Variants in LRP5 observed in about 807,000 individuals in gnomAD.
LRP5 encodes low-density lipoprotein receptor-related protein 5.
Under a neutral mutation model 154.1 loss-of-function variants are expected in LRP5, and 62 were observed. The observed-to-expected ratio is 0.40, with a 90% CI of 0.33 to 0.50. LRP5 has a LOEUF of 0.50. LRP5 is among the 20% of genes least tolerant of loss of function. The probability of loss-of-function intolerance (pLI) is 0.55; values close to 1 mark genes in which losing one functional copy is unlikely to be tolerated. For missense variants in LRP5, 1,915 were observed against 2,336.7 expected (o/e 0.82, Z 3.72); for synonymous variants, 966 against 1,011.5 (o/e 0.96, Z 0.85).
At chr11:68,299,064 TCCCTATCCC>T in the LRP5 span, among the ~76,000 whole-genome samples, 1 of 152,118 alleles carries the variant, frequency 6.6e-6, no homozygotes, top group Non-Finnish European at 1.5e-5. Flanking sequence ...TACCTGAAAG[TCCCTATCCC>T]CCTCCACACT....
chr11:68,359,108 C>G (rs1591221385), intron 3 of LRP5, among the ~76,000 whole-genome samples: 1 of 152,196 alleles, frequency 6.6e-6, no homozygotes, highest in Non-Finnish European at 1.5e-5. Context: ...ACTTAACAGC[C>G]TGAAACAGCA....
At chr11:68,340,029 T>C (rs903386349) in intron 1 of LRP5, among the ~76,000 whole-genome samples, 1 of 151,918 alleles carries the variant, frequency 6.6e-6, no homozygotes, top group African/African-American at 2.4e-5. Flanking sequence ...TCACCTGAGG[T>C]CAGGAGTTCG....
intron 9 of LRP5, among the ~76,000 whole-genome samples, chr11:68,407,480 C>G (rs2098656396): frequency 6.6e-6 from 1 of 150,562 alleles, no homozygotes; most frequent in Non-Finnish European, 1.5e-5. Context: ...CCTAGGAAAA[C>G]TTTTTGCCTT....
chr11:68,400,728 CA>C (rs2098652193), intron 7 of LRP5, among the ~76,000 whole-genome samples: 1 of 151,320 alleles, frequency 6.6e-6, no homozygotes, highest in Non-Finnish European at 1.5e-5. Context: ...AACTCCGTCT[CA>C]AAAAAAATAA....
intron 5 of LRP5, among the ~76,000 whole-genome samples, chr11:68,375,071 G>A (rs767528188): frequency 6.6e-6 from 1 of 152,238 alleles, no homozygotes; most frequent in East Asian, 1.9e-4. Context: ...CTTCAGTGGC[G>A]AGCTTTGCGC....
intron 5 of LRP5, among the ~76,000 whole-genome samples, chr11:68,385,581 C>T (rs188461019): frequency 4.6e-5 from 7 of 152,206 alleles, no homozygotes; most frequent in Non-Finnish European, 7.4e-5. Flanking sequence ...TTTCTCATCT[C>T]GCACCTGTGT....
Position 68,423,419 on chromosome 11 carries a change from G to GC in LRP5, c.3028-68dup, listed in dbSNP as rs1161525478. 1 of 1,449,882 alleles carries GC rather than the reference G, an allele frequency of 6.9e-7. No homozygotes were observed. The highest frequency in any genetic ancestry group is 9.7e-7 in the Non-Finnish European group (1 of 1,031,954). 89.8% of individuals were successfully genotyped at this position (1,449,882 alleles called of 1,614,324 possible). On this transcript the variant is annotated intron_variant, in intron 13 of 22. Transcript: ENST00000294304. The surrounding 1 kb of genome is among the most constrained non-coding windows in gnomAD (Gnocchi z 4.7). ...CCAGTGCCCGGGGGTCTCCGCCAGT[G>GC]CCAGGGGTCTCCGCCAGTGCCCAGG...
At chr11:68,340,097 G>A (rs1264676809) in intron 1 of LRP5, among the ~76,000 whole-genome samples, 1 of 152,096 alleles carries the variant, frequency 6.6e-6, no homozygotes, top group Non-Finnish European at 1.5e-5. Flanking sequence ...AAAATTAGCT[G>A]GGCGTGGTGG....
intron 5 of LRP5, among the ~76,000 whole-genome samples, chr11:68,366,570 G>A (rs552202559): frequency 6.6e-5 from 10 of 152,290 alleles, no homozygotes; most frequent in African/African-American, 2.4e-4. Context: ...CCCGTGGCGT[G>A]TGGGTCTTTT....
chr11:68,409,169 A>ATATATTTATAAATAAAATTTATAAAT (rs2098657824), intron 9 of LRP5, among the ~76,000 whole-genome samples: 2 of 138,080 alleles, frequency 1.4e-5, no homozygotes, highest in Non-Finnish European at 3.1e-5. Flanking sequence ...ATATAAAAAT[A>ATATATTTATAAATAAAATTTATAAAT]TATATTTATA....
rs60632461 is a variant in LRP5, at chr11:68,386,939, G to C, written c.1412+227G>C. 0.073 allele frequency among the ~76,000 whole-genome samples: 11,060 copies of C among 152,228 alleles called. 1,340 individuals carry two copies. Among genetic ancestry groups the C allele is most frequent in the African/African-American group, 0.25 (10,307 of 41,480 alleles). ...ACAAGCACCCCAGTGGTCCGGTGCTGCTGCTGGGTCCATGCGTAGAAAGCC... is the reference window on the plus strand; with the variant it reads ...ACAAGCACCCCAGTGGTCCGGTGCTCCTGCTGGGTCCATGCGTAGAAAGCC... On this transcript the variant is annotated intron_variant, in intron 6 of 22. Coordinates refer to ENST00000294304, the MANE Select transcript of LRP5 (RefSeq NM_002335.4). The surrounding 1 kb of genome is among the most constrained non-coding windows in gnomAD (Gnocchi z 7.9).
intron 3 of LRP5, among the ~76,000 whole-genome samples, chr11:68,363,418 A>T (rs1389319782): frequency 6.6e-6 from 1 of 152,184 alleles, no homozygotes; most frequent in Non-Finnish European, 1.5e-5. Context: ...GCGCTTTGAG[A>T]GGCTGAGGTG....
At chr11:68,349,024 T>C (rs1255231612) in intron 2 of LRP5, among the ~76,000 whole-genome samples, 5 of 140,938 alleles carry the variant, frequency 3.5e-5, no homozygotes, top group Admixed American at 1.5e-4. Flanking sequence ...CATAGTTATG[T>C]TCCTTTTTTT....
At chr11:68,395,974 T>C (rs981756548) in intron 7 of LRP5, among the ~76,000 whole-genome samples, 1 of 152,168 alleles carries the variant, frequency 6.6e-6, no homozygotes, top group Non-Finnish European at 1.5e-5. Context: ...GCGCCAGTGT[T>C]CCTGCTGTGG....
At chr11:68,325,362 A>G (rs1312842382) in intron 1 of LRP5, among the ~76,000 whole-genome samples, 1 of 152,000 alleles carries the variant, frequency 6.6e-6, no homozygotes, top group Non-Finnish European at 1.5e-5. Context: ...AGAGGGATGC[A>G]CTCAGTCGAA....
rs367549774 is a variant in LRP5, at chr11:68,388,212, A to G, written c.1412+1500A>G. 4.6e-5 allele frequency among the ~76,000 whole-genome samples: 7 copies of G among 152,156 alleles called. No homozygotes were observed. In the East Asian group the frequency reaches 1.2e-3, roughly 25 times the overall value. Reference sequence around the variant, plus strand: ...GATGAGGGTAAGAAGTGGGGTCCCCAGGGGCTTTAGCAAGAGGAGGCCCAG... The same window carrying G: ...GATGAGGGTAAGAAGTGGGGTCCCCGGGGGCTTTAGCAAGAGGAGGCCCAG... On this transcript the variant is annotated intron_variant, in intron 6 of 22. Coordinates refer to ENST00000294304, the MANE Select transcript of LRP5 (RefSeq NM_002335.4).
intron 5 of LRP5, among the ~76,000 whole-genome samples, chr11:68,377,695 A>C (rs2098638113): frequency 6.6e-6 from 1 of 152,170 alleles, no homozygotes; most frequent in Non-Finnish European, 1.5e-5. Flanking sequence ...AGTGGCCTGC[A>C]CCGTGACCCC....
In LRP5 at chr11:68,439,839, C is replaced by T. The variant is rs1425190869; in HGVS notation, c.4411C>T (p.Pro1471Ser). The change falls in exon 21 of 23, where the codon CCC (proline) becomes TCC (serine). Residue 1471 changes from proline to serine, a missense_variant. Physicochemically the swap from Pro to Ser is moderately conservative, Grantham distance 74. Around this residue, in one of 3 missense-constraint regions of LRP5, gnomAD observed 1,094 missense variants for 1,210.1 expected, o/e 0.90. Transcript: ENST00000294304. ...VSLMGGRGGV[P>S]LYDRNHVTGA... ...CCTGATGGGGGGCCGGGGCGGGGTG[C>T]CCCTCTACGACCGGAACCACGTCAC... 6.2e-7 allele frequency: 1 copy of T among 1,610,228 alleles called. No homozygotes were observed. Among genetic ancestry groups the T allele is most frequent in the East Asian group, 2.2e-5 (1 of 44,772 alleles).
chr11:68,351,475 G>A (rs955426133), intron 2 of LRP5, among the ~76,000 whole-genome samples: 1 of 152,168 alleles, frequency 6.6e-6, no homozygotes, highest in Admixed American at 6.5e-5. Context: ...TGCAGTAGTC[G>A]GAGAGGCTGA....
Sources: allele counts gnomAD v4.1 joint callset (sites outside exome capture counted in the v4.1 genomes callset), GRCh38; gene constraint gnomAD v4.1.1; regional missense constraint gnomAD v4.1.1; non-coding constraint Gnocchi (gnomAD v3.1); transcripts MANE v1.5; gene names NCBI Gene and HGNC (gene_info 2026-07-23, HGNC 2026-07-21).